The following CLTA variants were observed in gnomAD, a reference collection of about 807,000 sequenced individuals.
The protein encoded by CLTA is clathrin light chain A.
Under a neutral mutation model 26.9 loss-of-function variants are expected in CLTA, and 9 were observed. That is an observed-to-expected ratio of 0.33 (90% CI 0.20 to 0.58). CLTA has a LOEUF of 0.58. CLTA is among the 20% of genes least tolerant of loss of function. CLTA has a pLI of 0.85. For synonymous variants in CLTA, 120 were observed against 115.5 expected, an observed-to-expected ratio of 1.04 and a Z score of -0.25; for missense variants, 278 against 294.2, an observed-to-expected ratio of 0.94 and a Z score of 0.40.
intron 3 of CLTA, among the ~76,000 whole-genome samples, chr9:36,201,702 C>T (rs1473199129): frequency 2.0e-5 from 3 of 152,206 alleles, no homozygotes; most frequent in Non-Finnish European, 4.4e-5. Context: ...GGGGGCCTTA[C>T]ATTTTGAATT....
rs1036269684 is a variant in CLTA at position 36,194,111 on chromosome 9, C to T, written c.217+2838C>T. ...TGCGATCTCGGTTCACTGCAACCTC[C>T]GCCTCCTGGGTTCAAGCAGTTATCC... On this transcript the variant is annotated intron_variant, in intron 1 of 4. Transcript: ENST00000345519. Among the ~76,000 whole-genome samples, 8 of 152,094 alleles carry T rather than the reference C, an allele frequency of 5.3e-5. No homozygotes were observed. In the South Asian group the frequency reaches 8.3e-4, roughly 16 times the overall value.
At chr9:36,197,018 T>A (rs1404064432) in intron 1 of CLTA, among the ~76,000 whole-genome samples, 2 of 152,008 alleles carry the variant, frequency 1.3e-5, no homozygotes, top group African/African-American at 4.8e-5. Context: ...TACAAAAAAA[T>A]AGAAAAATTA....
Position 36,202,941 on chromosome 9 carries a change from C to T in CLTA, c.374-1127C>T, listed in dbSNP as rs562835917. On this transcript the variant is annotated intron_variant, in intron 3 of 4. Coordinates refer to ENST00000345519, the MANE Select transcript of CLTA (RefSeq NM_001833.4). ...GATTCAAGCGATTCTCCTGCCTCAGCCTCCCCAGTAATCCCCAGTAGCTGG... is the reference window on the plus strand; with the variant it reads ...GATTCAAGCGATTCTCCTGCCTCAGTCTCCCCAGTAATCCCCAGTAGCTGG... Among the ~76,000 whole-genome samples the T allele has an allele frequency of 2.0e-5, 3 of 152,092 alleles. No homozygotes were observed. The East Asian group carries it at 5.8e-4, about 29-fold the overall frequency.
intron 4 of CLTA, among the ~76,000 whole-genome samples, chr9:36,205,599 A>G (rs1827673219): frequency 6.6e-6 from 1 of 152,182 alleles, no homozygotes; most frequent in African/African-American, 2.4e-5. Flanking sequence ...TGATGCGTCA[A>G]TAACTTAACA....
intron 2 of CLTA, 112 bp from the exon 3 acceptor site, chr9:36,198,867 T>C (rs1330072940): frequency 3.1e-6 from 2 of 639,578 alleles, no homozygotes; most frequent in Non-Finnish European, 5.4e-6. Flanking sequence ...GAGTGAAAAC[T>C]CTGTCTCAAA....
intron 4 of CLTA, chr9:36,209,261 G>C (rs760577919): frequency 6.2e-7 from 1 of 1,614,160 alleles, no homozygotes; most frequent in Admixed American, 1.7e-5. Context: ...ACCTCTTGCT[G>C]TCTAGGGTGG....
intron 4 of CLTA, among the ~76,000 whole-genome samples, chr9:36,210,902 T>G (rs999390375): frequency 2.6e-5 from 4 of 152,190 alleles, no homozygotes; most frequent in African/African-American, 7.2e-5. Context: ...AATTCCGAAC[T>G]GGGGGTGGGC....
intron 1 of CLTA, among the ~76,000 whole-genome samples, chr9:36,194,249 A>T (rs1277498997): frequency 6.6e-6 from 1 of 151,858 alleles, no homozygotes; most frequent in Admixed American, 6.6e-5. Context: ...CTGGTCTGAA[A>T]CTCCTGACCT....
intron 4 of CLTA, among the ~76,000 whole-genome samples, chr9:36,211,355 G>C (rs1183813621): frequency 3.3e-5 from 5 of 152,200 alleles, no homozygotes; most frequent in East Asian, 1.9e-4. Flanking sequence ...GACAGACAGA[G>C]AGACATAGTG....
At chr9:36,209,947 G>A (rs1235698486) in intron 4 of CLTA, among the ~76,000 whole-genome samples, 2 of 152,180 alleles carry the variant, frequency 1.3e-5, no homozygotes, top group East Asian at 1.9e-4. Context: ...AGCTTCTGAT[G>A]TCCTGTCTCC....
chr9:36,196,788 C>T (rs1222387061), intron 1 of CLTA, among the ~76,000 whole-genome samples: 2 of 152,160 alleles, frequency 1.3e-5, no homozygotes, highest in East Asian at 1.9e-4. Flanking sequence ...GTAGGTGGCA[C>T]ATGCCTTAAA....
At chr9:36,205,424 C>T (rs919596674) in intron 4 of CLTA, among the ~76,000 whole-genome samples, 3 of 152,114 alleles carry the variant, frequency 2.0e-5, no homozygotes, top group African/African-American at 7.2e-5. Context: ...TCCTCTGCTC[C>T]CTCAAGATGA....
At chr9:36,205,246 G>A (rs1430771179) in intron 4 of CLTA, among the ~76,000 whole-genome samples, 15 of 152,198 alleles carry the variant, frequency 9.9e-5, no homozygotes, top group Admixed American at 9.2e-4. Context: ...CTCAAGGAGT[G>A]CCTGTCAGGT....
In CLTA at chr9:36,191,094, C is replaced by T. The variant is rs769438385; in HGVS notation, c.38C>T (p.Ala13Val). 1.0e-5 allele frequency: 16 copies of T among 1,591,924 alleles called. No individual in the cohort carries two copies. The highest frequency in any genetic ancestry group is 2.3e-5 in the East Asian group (1 of 43,496). ...ELDPFGAPAG[A>V]PGGPALGNGV... ...GATCCGTTCGGCGCCCCTGCCGGCG[C>T]CCCTGGCGGTCCCGCGCTGGGGAAC... The change falls in exon 1 of 5, where the codon GCC (alanine) becomes GTC (valine). Residue 13 changes from alanine to valine, a missense_variant. Coordinates refer to ENST00000345519, the MANE Select transcript of CLTA (RefSeq NM_001833.4).
At chr9:36,193,960 T>C (rs1826885428) in intron 1 of CLTA, among the ~76,000 whole-genome samples, 1 of 152,122 alleles carries the variant, frequency 6.6e-6, no homozygotes, top group Admixed American at 6.5e-5. Context: ...CTCTCAATCA[T>C]GAGGGCTGAG....
chr9:36,192,731 A>G (rs552758960), intron 1 of CLTA, among the ~76,000 whole-genome samples: 1 of 152,226 alleles, frequency 6.6e-6, no homozygotes, highest in Non-Finnish European at 1.5e-5. Context: ...TGCTTAAAAA[A>G]GCACGAGTTA....
chr9:36,198,036 G>A (rs541430643), intron 2 of CLTA, among the ~76,000 whole-genome samples: 3 of 122,746 alleles, frequency 2.4e-5, no homozygotes, highest in Admixed American at 2.1e-4. Context: ...TCTCACTGTC[G>A]CCCAGGCTAG....
At chr9:36,199,422 C>T (rs1241181095) in intron 3 of CLTA, among the ~76,000 whole-genome samples, 2 of 151,646 alleles carry the variant, frequency 1.3e-5, no homozygotes, top group Non-Finnish European at 2.9e-5. Flanking sequence ...TGTCCGTGGA[C>T]TTTAACAGTC....
chr9:36,210,678 C>G, intron 4 of CLTA: 2 of 1,614,062 alleles, frequency 1.2e-6, no homozygotes, highest in Non-Finnish European at 1.7e-6. Context: ...AAACCTTTCT[C>G]ACTGCCCCTA....
Sources: gnomAD v4.1 joint callset for allele counts (sites outside exome capture counted in the v4.1 genomes callset) on GRCh38, gnomAD v4.1.1 for gene constraint, MANE v1.5 for transcripts, NCBI Gene and HGNC (gene_info 2026-07-23, HGNC 2026-07-21) for gene names.